The following PRKN variants were observed in gnomAD, a reference collection of about 807,000 sequenced individuals.
PRKN encodes E3 ubiquitin-protein ligase parkin.
PRKN carries 56 observed loss-of-function variants against 59.5 expected under a neutral mutation model. The observed-to-expected ratio is 0.94, with a 90% confidence interval of 0.76 to 1.18. PRKN has a LOEUF of 1.18. PRKN is among the 50% of genes most tolerant of loss of function. PRKN has a pLI of 0.00. For synonymous variants in PRKN, 250 were observed against 222.1 expected (o/e 1.13, Z -1.12); for missense variants, 657 against 596.4 (o/e 1.10, Z -1.06).
intron 7 of PRKN, among the ~76,000 whole-genome samples, chr6:161,640,768 C>T (rs1409010740): frequency 2.0e-5 from 3 of 152,138 alleles, no homozygotes; most frequent in African/African-American, 7.2e-5. Context: ...AGAACTAACA[C>T]AGAATTGCTG....
At chr6:162,344,028 A>T (rs1364685168) in intron 2 of PRKN, among the ~76,000 whole-genome samples, 2 of 152,170 alleles carry the variant, frequency 1.3e-5, no homozygotes, top group African/African-American at 2.4e-5. Flanking sequence ...GCGGAAAAGA[A>T]TTTCTGTGCC....
chr6:162,186,202 G>A (rs1018056791), intron 4 of PRKN, among the ~76,000 whole-genome samples: 2 of 152,094 alleles, frequency 1.3e-5, no homozygotes, highest in African/African-American at 2.4e-5. Context: ...TATTAAATTG[G>A]AGGTTTCAAT....
chr6:161,892,103 A>C (rs1038907389), intron 6 of PRKN, among the ~76,000 whole-genome samples: 1 of 152,134 alleles, frequency 6.6e-6, no homozygotes, highest in Non-Finnish European at 1.5e-5. Context: ...TCTTCTTATA[A>C]ATTCTCATCT....
intron 1 of PRKN, among the ~76,000 whole-genome samples, chr6:162,717,946 C>G (rs1778791307): frequency 6.6e-6 from 1 of 152,164 alleles, no homozygotes; most frequent in South Asian, 2.1e-4. Context: ...ACATTATACG[C>G]TTAACGCTGA....
chr6:161,671,400 C>T (rs192205854), intron 7 of PRKN, among the ~76,000 whole-genome samples: 11 of 152,244 alleles, frequency 7.2e-5, no homozygotes, highest in African/African-American at 2.6e-4. Flanking sequence ...TGCATTGTCA[C>T]CTTCTGGGGT....
intron 5 of PRKN, among the ~76,000 whole-genome samples, chr6:162,013,554 G>T (rs1312745589): frequency 2.0e-5 from 3 of 152,140 alleles, no homozygotes. Flanking sequence ...GGAAATGTGT[G>T]TGTTATACAC....
intron 2 of PRKN, among the ~76,000 whole-genome samples, chr6:162,316,288 C>T (rs188650422): frequency 2.0e-5 from 3 of 151,746 alleles, no homozygotes; most frequent in East Asian, 3.9e-4. Context: ...GATAGAGTCC[C>T]AGTCATGATA....
chr6:161,471,283 T>C lies in PRKN; in HGVS notation c.1083+77571A>G, dbSNP rs1790779519. On this transcript the variant is annotated intron_variant, in intron 9 of 11. Transcript: ENST00000366898. This position sits in a 1 kb window ranked among gnomAD's most constrained non-coding sequence, Gnocchi z 4.5. The stretch of plus-strand genomic sequence containing the variant: ...AGCCAAACATTAGCAGAGTCTGCAA[T>C]GTCTGAGTTTTGGGGTTATGGGGAT... Among the ~76,000 whole-genome samples, 1 of 152,230 alleles carries C rather than the reference T, an allele frequency of 6.6e-6. No individual in the cohort carries two copies.
At chr6:162,051,339 C>T (rs28715907) in intron 5 of PRKN, among the ~76,000 whole-genome samples, 59,447 of 151,930 alleles carry the variant, frequency 0.39, 12,857 homozygotes, top group East Asian at 0.62. Context: ...GAGAGATGCC[C>T]GGTGAGTGTA....
intron 9 of PRKN, among the ~76,000 whole-genome samples, chr6:161,516,058 T>C (rs1463363061): frequency 6.6e-6 from 1 of 152,212 alleles, no homozygotes; most frequent in African/African-American, 2.4e-5. Context: ...AGCTTCATTA[T>C]GGTACTGCTA....
intron 1 of PRKN, among the ~76,000 whole-genome samples, chr6:162,682,737 C>T (rs541250924): frequency 2.0e-5 from 3 of 152,038 alleles, no homozygotes; most frequent in East Asian, 1.9e-4. Context: ...ATGCAATTTA[C>T]CCATGTAACA....
chr6:161,915,925 T>C (rs903368508), intron 6 of PRKN, among the ~76,000 whole-genome samples: 4 of 151,980 alleles, frequency 2.6e-5, no homozygotes, highest in Middle Eastern at 3.2e-3. Flanking sequence ...ACAGTGCAAA[T>C]TGGAAGGATG....
intron 1 of PRKN, among the ~76,000 whole-genome samples, chr6:162,710,783 G>A (rs1777656756): frequency 6.6e-6 from 1 of 152,064 alleles, no homozygotes. Flanking sequence ...CAAAAAAGCA[G>A]CTGTTATCCT....
At chr6:162,002,058 C>T (rs943994825) in intron 5 of PRKN, among the ~76,000 whole-genome samples, 1 of 151,836 alleles carries the variant, frequency 6.6e-6, no homozygotes, top group Non-Finnish European at 1.5e-5. Flanking sequence ...CATTGATTTG[C>T]TCATATTTTA....
In PRKN at chr6:161,525,638, T is replaced by C. The variant is rs560659533; in HGVS notation, c.1083+23216A>G. Among the ~76,000 whole-genome samples the C allele has an allele frequency of 2.0e-4, 31 of 152,328 alleles. No homozygotes were observed. In the South Asian group the frequency reaches 6.4e-3, roughly 32 times the overall value. On this transcript the variant is annotated intron_variant, in intron 9 of 11. Coordinates refer to ENST00000366898, the MANE Select transcript of PRKN (RefSeq NM_004562.3). The surrounding 1 kb of genome is among the most constrained non-coding windows in gnomAD (Gnocchi z 4.7). ...TTCCCGGAGCCTAAGTATTAAAATA[T>C]GAACAGAGACAAGAGAACCTACCTG...
chr6:162,054,130 A>G lies in PRKN; in HGVS notation c.579T>C (p.Ser193=), dbSNP rs745637077. ...WDDVLIPNRM[S]GECQSPHCPG... ...GGCAGTGTGGGGATTGGCATTCACCACTCATCCGGTTTGGAATTAAAACAT... is the reference window on the plus strand; with the variant it reads ...GGCAGTGTGGGGATTGGCATTCACCGCTCATCCGGTTTGGAATTAAAACAT... Residue 193 remains serine (S), a synonymous_variant, in exon 5 of 12, where the codon AGT becomes AGC. Transcript: ENST00000366898. 1 of 1,613,646 alleles carries G rather than the reference A, an allele frequency of 6.2e-7. No individual in the cohort carries two copies. The highest frequency in any genetic ancestry group is 1.1e-5 in the South Asian group (1 of 91,082).
intron 1 of PRKN, among the ~76,000 whole-genome samples, chr6:162,701,328 CAAG>C (rs1778144363): frequency 1.3e-5 from 2 of 151,922 alleles, no homozygotes; most frequent in South Asian, 4.1e-4. Context: ...AACTATTGCA[CAAG>C]AAGATAAGAA....
At chr6:162,705,793 C>A (rs1162950714) in intron 1 of PRKN, among the ~76,000 whole-genome samples, 4 of 152,090 alleles carry the variant, frequency 2.6e-5, no homozygotes, top group Admixed American at 6.6e-5. Flanking sequence ...ATTATCAGGG[C>A]TAGAGGGATA....
chr6:161,368,652 G>A (rs1025963348), intron 10 of PRKN, among the ~76,000 whole-genome samples: 1 of 148,694 alleles, frequency 6.7e-6, no homozygotes, highest in Non-Finnish European at 1.5e-5. Context: ...CCTCACTGCA[G>A]TGGCTCACCT....
Sources: allele counts gnomAD v4.1 joint callset (sites outside exome capture counted in the v4.1 genomes callset), GRCh38; gene constraint gnomAD v4.1.1; non-coding constraint Gnocchi (gnomAD v3.1); transcripts MANE v1.5; gene names NCBI Gene and HGNC (gene_info 2026-07-23, HGNC 2026-07-21).